Variants in RBM6 observed in about 807,000 individuals in gnomAD.
RBM6 encodes RNA binding motif protein 6, also known as RNA-binding protein 6.
In RBM6, 23 loss-of-function variants were observed where a neutral mutation model predicts 140.4. The observed-to-expected ratio is 0.16, with a 90% CI of 0.12 to 0.23. RBM6 has a LOEUF of 0.23. Among genes scored for constraint, RBM6 ranks in the 10% least tolerant of loss-of-function variants. RBM6 has a pLI of 1.00. For missense variants in RBM6, 1,139 were observed against 1,386.7 expected (o/e 0.82, Z 2.84); for synonymous variants, 439 against 475.6 (o/e 0.92, Z 1.00).
intron 5 of RBM6, among the ~76,000 whole-genome samples, chr3:49,986,464 G>A (rs987131902): frequency 2.6e-5 from 4 of 151,368 alleles, no homozygotes; most frequent in African/African-American, 7.3e-5. Context: ...GCATGGTGGC[G>A]GGCTCCTGTA....
Position 50,002,788 on chromosome 3 carries a change from T to G in RBM6, c.1557+3275T>G, listed in dbSNP as rs545464658. Among the ~76,000 whole-genome samples the G allele has an allele frequency of 4.6e-5, 7 of 152,294 alleles. No homozygotes were observed. In the South Asian group the frequency reaches 1.2e-3, roughly 27 times the overall value. ...AGGAAATGGATGTGGATTAAACTCC[T>G]TATGACATAGTAAACAATCTTATGA... On this transcript the variant is annotated intron_variant, in intron 6 of 20. Coordinates refer to ENST00000266022, the MANE Select transcript of RBM6 (RefSeq NM_005777.3).
chr3:49,947,244 T>C (rs1259730863), intron 1 of RBM6, among the ~76,000 whole-genome samples: 1 of 101,000 alleles, frequency 9.9e-6, no homozygotes, highest in African/African-American at 4.1e-5. Context: ...AGAGCGAGAC[T>C]CCGTCTCAAA....
intron 1 of RBM6, among the ~76,000 whole-genome samples, chr3:49,955,886 A>G (rs11130227): frequency 0.46 from 67,304 of 147,116 alleles, 15,792 homozygotes; most frequent in Non-Finnish European, 0.51. Flanking sequence ...GTGTGTGTGT[A>G]TATGTATATA....
chr3:49,983,488 C>A, intron 5 of RBM6, among the ~76,000 whole-genome samples: 1 of 151,902 alleles, frequency 6.6e-6, no homozygotes. Context: ...TTATGGTATC[C>A]CAACTGGAGG....
chr3:49,948,538 C>T (rs1368560277), intron 1 of RBM6, among the ~76,000 whole-genome samples: 1 of 151,696 alleles, frequency 6.6e-6, no homozygotes, highest in African/African-American at 2.4e-5. Flanking sequence ...TGTCATGAAA[C>T]CTAGTCTCTA....
At chr3:50,041,127 G>A (rs971826259) in intron 6 of RBM6, among the ~76,000 whole-genome samples, 4 of 152,208 alleles carry the variant, frequency 2.6e-5, no homozygotes, top group Admixed American at 6.5e-5. Flanking sequence ...TTTAGTAAAA[G>A]TTTTTGTTGT....
rs569237547 is a variant in RBM6, at chr3:49,947,790, A to T, written c.-67+7565A>T. 9.9e-5 allele frequency among the ~76,000 whole-genome samples: 15 copies of T among 152,264 alleles called. 1 individual carries two copies. In the South Asian group the frequency reaches 2.7e-3, roughly 27 times the overall value. On this transcript the variant is annotated intron_variant, in intron 1 of 20. Transcript: ENST00000266022. ...TCCCACTTTATTGTTATGCATGTGG[A>T]TATTCAGTTTTCGGAGTACCATTTT...
chr3:49,943,475 G>A (rs2083369752), intron 1 of RBM6, among the ~76,000 whole-genome samples: 1 of 151,636 alleles, frequency 6.6e-6, no homozygotes, highest in Non-Finnish European at 1.5e-5. Context: ...TAATTTTTTT[G>A]TTTAATTTTT....
chr3:49,999,769 GAAAA>G (rs11293132), intron 6 of RBM6, among the ~76,000 whole-genome samples: 1 of 145,088 alleles, frequency 6.9e-6, no homozygotes. Flanking sequence ...ACAATAGTTG[GAAAA>G]AAAAAAAAAA....
At position 50,015,193 on chromosome 3, in the gene RBM6, C is replaced by T. The variant is rs900468566; in HGVS notation, c.1557+15680C>T. On this transcript the variant is annotated intron_variant, in intron 6 of 20. Transcript: ENST00000266022. ...ACCATCTTGGCTCACTGCAACCCCC[C>T]GCCTGCCAGGTTCAAGTGGTTGTCC... Among the ~76,000 whole-genome samples, 21 of 151,310 alleles carry T rather than the reference C, an allele frequency of 1.4e-4. No homozygotes were observed. In the East Asian group the frequency reaches 2.9e-3, roughly 21 times the overall value.
chr3:50,051,665 A>G (rs1466426069), intron 7 of RBM6, among the ~76,000 whole-genome samples: 1 of 152,226 alleles, frequency 6.6e-6, no homozygotes, highest in Non-Finnish European at 1.5e-5. Context: ...AAAAATTTTA[A>G]GTTTATTATG....
At chr3:49,982,481 C>G (rs996974555) in intron 5 of RBM6, among the ~76,000 whole-genome samples, 4 of 151,922 alleles carry the variant, frequency 2.6e-5, no homozygotes, top group Non-Finnish European at 4.4e-5. Context: ...GTGACGTGAT[C>G]TCAGCTCACT....
At chr3:49,962,362 C>T (rs975629343) in intron 1 of RBM6, among the ~76,000 whole-genome samples, 5 of 151,394 alleles carry the variant, frequency 3.3e-5, no homozygotes, top group Non-Finnish European at 5.9e-5. Context: ...TTGCTTGAAC[C>T]CGGAGGTTGC....
intron 1 of RBM6, among the ~76,000 whole-genome samples, chr3:49,945,709 C>T (rs1368605336): frequency 2.0e-5 from 3 of 151,594 alleles, no homozygotes; most frequent in Non-Finnish European, 2.9e-5. Context: ...GGTGAAACCC[C>T]GTCTCTACTA....
chr3:49,996,433 T>A (rs1426612378), intron 5 of RBM6, among the ~76,000 whole-genome samples: 2 of 152,216 alleles, frequency 1.3e-5, no homozygotes, highest in Admixed American at 6.5e-5. Flanking sequence ...TTCCAGCCCT[T>A]TTTCCCTATA....
Position 50,057,793 on chromosome 3 carries a change from T to C in RBM6, c.1759T>C (p.Leu587=). The C allele has an allele frequency of 1.9e-6, 3 of 1,613,022 alleles. No individual in the cohort carries two copies. Among genetic ancestry groups the C allele is most frequent in the South Asian group, 1.1e-5 (1 of 91,018 alleles). Residue 587 remains leucine, a synonymous_variant, in exon 9 of 21, where the codon TTG becomes CTG. Transcript: ENST00000266022. ...QPQKTSIPAP[L]EKQPNQPLRP... ...TCAGAAAACATCCATACCAGCACCA[T>C]TGGAAAAACAGCCCAACCAGCCCCT...
At chr3:50,025,005 A>AT (rs1343205657) in intron 6 of RBM6, among the ~76,000 whole-genome samples, 1 of 149,354 alleles carries the variant, frequency 6.7e-6, no homozygotes, top group Non-Finnish European at 1.5e-5. Flanking sequence ...AACAAAAAAC[A>AT]AAAAACAAGA....
intron 6 of RBM6, among the ~76,000 whole-genome samples, chr3:50,027,132 T>TG (rs1392624079): frequency 2.0e-5 from 3 of 152,110 alleles, no homozygotes; most frequent in African/African-American, 4.8e-5. Context: ...GGATGAGTTT[T>TG]GCAGTGGTGT....
At chr3:49,955,614 G>A (rs1367230712) in intron 1 of RBM6, among the ~76,000 whole-genome samples, 1 of 151,790 alleles carries the variant, frequency 6.6e-6, no homozygotes, top group Admixed American at 6.6e-5. Context: ...AGGCTGAGGC[G>A]GGTGGATCAC....
Sources: gnomAD v4.1 joint callset for allele counts (sites outside exome capture counted in the v4.1 genomes callset) on GRCh38, gnomAD v4.1.1 for gene constraint, MANE v1.5 for transcripts, NCBI Gene and HGNC (gene_info 2026-07-23, HGNC 2026-07-21) for gene names.